NFATC1: variants seen among roughly 807,000 people sequenced by gnomAD.
NFATC1 encodes nuclear factor of activated T-cells, cytoplasmic 1.
NFATC1 carries 22 observed loss-of-function variants against 76.0 expected under a neutral mutation model. The observed-to-expected ratio is 0.29, with a 90% CI of 0.21 to 0.41. NFATC1 has a LOEUF of 0.41. Among genes scored for constraint, NFATC1 ranks in the 10% least tolerant of loss-of-function variants. NFATC1 has a pLI of 1.00. For missense variants in NFATC1, 1,357 were observed against 1,337.7 expected (o/e 1.01, Z -0.23); for synonymous variants, 704 against 613.1 (o/e 1.15, Z -2.19).
Position 79,465,384 on chromosome 18 carries a change from C to T in NFATC1, c.1960-2066C>T, listed in dbSNP as rs1470849529. Among the ~76,000 whole-genome samples, 1 of 152,226 alleles carries T rather than the reference C, an allele frequency of 6.6e-6. No homozygotes were observed. The highest frequency in any genetic ancestry group is 1.5e-5 in the Non-Finnish European group (1 of 68,038). On this transcript the variant is annotated intron_variant, in intron 7 of 9. Transcript: ENST00000427363. The surrounding 1 kb of genome is among the most constrained non-coding windows in gnomAD (Gnocchi z 4.2). ...TCCAGCATGCCCCACAGGGTCCCAC[C>T]TCCACCCATCCAGCCTGCCTCACGG...
chr18:79,434,829 G>T, intron 3 of NFATC1, among the ~76,000 whole-genome samples: 1 of 152,380 alleles, frequency 6.6e-6, no homozygotes, highest in Admixed American at 6.5e-5. Context: ...GGGCGCTGGG[G>T]TGAGGCGTTT....
Position 79,465,357 on chromosome 18 carries a change from C to T in NFATC1, c.1960-2093C>T, listed in dbSNP as rs375709178. Among the ~76,000 whole-genome samples the T allele has an allele frequency of 6.6e-6, 1 of 152,232 alleles. No homozygotes were observed. Among genetic ancestry groups the T allele is most frequent in the African/African-American group, 2.4e-5 (1 of 41,464 alleles). ...AGGACTTAGGAAAACTGGCATGCACCGTCCAGCATGCCCCACAGGGTCCCA... is the reference window on the plus strand; with the variant it reads ...AGGACTTAGGAAAACTGGCATGCACTGTCCAGCATGCCCCACAGGGTCCCA... On this transcript the variant is annotated intron_variant, in intron 7 of 9. Transcript: ENST00000427363. The surrounding 1 kb of genome is among the most constrained non-coding windows in gnomAD (Gnocchi z 4.2).
chr18:79,400,606 G>A (rs914749322), intron 1 of NFATC1: 89 of 790,332 alleles, frequency 1.1e-4, no homozygotes, highest in Non-Finnish European at 1.5e-4. Flanking sequence ...GGGACCGAGG[G>A]GCTACGGCGG....
chr18:79,475,842 C>T (rs762305037), intron 8 of NFATC1, among the ~76,000 whole-genome samples: 4 of 152,212 alleles, frequency 2.6e-5, no homozygotes, highest in Non-Finnish European at 5.9e-5. Context: ...CCGTGCGTGT[C>T]CTCAGAGCGT....
chr18:79,501,980 A>G (rs878952857), intron 9 of NFATC1, among the ~76,000 whole-genome samples: 2 of 152,080 alleles, frequency 1.3e-5, no homozygotes, highest in Non-Finnish European at 2.9e-5. Context: ...AACTCCAGCA[A>G]TTTTTTCTTC....
chr18:79,495,927 G>T (rs777487687), intron 9 of NFATC1: 4 of 138,128 alleles, frequency 2.9e-5, no homozygotes, highest in Non-Finnish European at 6.5e-5. Context: ...CGGGTGTGTC[G>T]CTGTGACGCG....
intron 2 of NFATC1, among the ~76,000 whole-genome samples, chr18:79,412,435 G>T (rs945235664): frequency 9.9e-4 from 134 of 135,498 alleles, no homozygotes; most frequent in African/African-American, 2.3e-3. Flanking sequence ...TCCTGTTTTT[G>T]TTTTTTTTTT....
At chr18:79,441,558 C>T (rs2086976134) in intron 3 of NFATC1, among the ~76,000 whole-genome samples, 1 of 152,128 alleles carries the variant, frequency 6.6e-6, no homozygotes, top group African/African-American at 2.4e-5. Context: ...CAGGGCATCC[C>T]GGCTGTGGGT....
chr18:79,520,648 C>T (rs1443354837), intron 9 of NFATC1, among the ~76,000 whole-genome samples: 2 of 11,572 alleles, frequency 1.7e-4, no homozygotes, highest in African/African-American at 4.5e-4. Flanking sequence ...GTCTGTGTGT[C>T]GGGGGGGGCA....
intron 3 of NFATC1, among the ~76,000 whole-genome samples, chr18:79,445,624 C>G (rs1333354474): frequency 6.6e-6 from 1 of 152,174 alleles, no homozygotes; most frequent in African/African-American, 2.4e-5. Flanking sequence ...GTTTGTGAGC[C>G]GGATTTTCTG....
chr18:79,409,148 C>T lies in NFATC1; in HGVS notation c.128-1255C>T, dbSNP rs565911564. Among the ~76,000 whole-genome samples the T allele has an allele frequency of 5.2e-5, 4 of 76,936 alleles. 1 individual carries two copies. The highest frequency in any genetic ancestry group is 1.2e-4 in the African/African-American group (4 of 32,514). 50.5% of individuals were successfully genotyped at this position (76,936 alleles called of 152,430 possible). A position where few individuals can be genotyped will look rare whatever the true frequency, so the allele number is the denominator to read the frequency against. On this transcript the variant is annotated intron_variant, in intron 1 of 9. Coordinates refer to ENST00000427363, the MANE Select transcript of NFATC1 (RefSeq NM_001278669.2). ...TTCCTCCATTCCCTATCCATCCATC[C>T]GTCATCCATCTATCCATCATCATCC...
At chr18:79,439,480 G>A (rs1306970815) in intron 3 of NFATC1, among the ~76,000 whole-genome samples, 2 of 152,242 alleles carry the variant, frequency 1.3e-5, no homozygotes, top group Non-Finnish European at 2.9e-5. Context: ...AGGAGGCACG[G>A]ATTAATTTTT....
At chr18:79,467,839 T>TG in intron 8 of NFATC1, 3 of 1,177,970 alleles carry the variant, frequency 2.5e-6, no homozygotes, top group Non-Finnish European at 2.1e-6. Context: ...TTTTGCTTCT[T>TG]GCGAATGTAT....
At chr18:79,514,755 C>T (rs1456717265) in intron 9 of NFATC1, among the ~76,000 whole-genome samples, 1 of 151,920 alleles carries the variant, frequency 6.6e-6, no homozygotes, top group Non-Finnish European at 1.5e-5. Context: ...TTTAGTAAGG[C>T]AGGTTTGGGG....
intron 1 of NFATC1, among the ~76,000 whole-genome samples, chr18:79,401,366 C>T (rs1010722560): frequency 1.3e-5 from 2 of 152,202 alleles, no homozygotes; most frequent in African/African-American, 4.8e-5. Flanking sequence ...TTTAAAAACT[C>T]CAACGTCTTG....
At chr18:79,443,476 T>C (rs1349632414) in intron 3 of NFATC1, among the ~76,000 whole-genome samples, 1 of 152,178 alleles carries the variant, frequency 6.6e-6, no homozygotes, top group Non-Finnish European at 1.5e-5. Context: ...GTCGTCCTGT[T>C]CCTGTCATGG....
At chr18:79,433,204 T>C (rs530132121) in intron 2 of NFATC1, among the ~76,000 whole-genome samples, 3 of 152,298 alleles carry the variant, frequency 2.0e-5, no homozygotes, top group African/African-American at 7.2e-5. Flanking sequence ...AGCTGGTTCA[T>C]AGCGAGGAGA....
intron 9 of NFATC1, among the ~76,000 whole-genome samples, chr18:79,509,971 C>T (rs1267719759): frequency 1.3e-5 from 2 of 152,242 alleles, no homozygotes; most frequent in African/African-American, 2.4e-5. Context: ...AGCCATAAAG[C>T]CTCGTTGATC....
Position 79,428,306 on chromosome 18 carries a change from G to A in NFATC1, c.1227-5273G>A, listed in dbSNP as rs74707361. The stretch of plus-strand genomic sequence containing the variant: ...ATTTGTATATAATGTGTTGTTTTCA[G>A]TCTTGCACTGGTGTTTTTAACTATC... On this transcript the variant is annotated intron_variant, in intron 2 of 9. Transcript: ENST00000427363. Among the ~76,000 whole-genome samples, 12 of 152,314 alleles carry A rather than the reference G, an allele frequency of 7.9e-5. No individual in the cohort carries two copies. The East Asian group carries it at 2.1e-3, about 27-fold the overall frequency.
Sources: gnomAD v4.1 joint callset for allele counts (sites outside exome capture counted in the v4.1 genomes callset) on GRCh38, gnomAD v4.1.1 for gene constraint, Gnocchi (gnomAD v3.1) non-coding constraint, MANE v1.5 for transcripts, NCBI Gene and HGNC (gene_info 2026-07-23, HGNC 2026-07-21) for gene names.